Variants in ATP10B observed in about 807,000 individuals in gnomAD.
ATP10B encodes the protein ATPase phospholipid transporting 10B (putative), also known as phospholipid-transporting ATPase VB.
Under a neutral mutation model 141.2 loss-of-function variants are expected in ATP10B, and 122 were observed. The observed-to-expected ratio is 0.86, with a 90% CI of 0.75 to 1.00. The LOEUF is 1.00. ATP10B is among the 50% of genes least tolerant of loss of function. The probability of loss-of-function intolerance (pLI) is 0.00; values close to 1 mark genes in which losing one functional copy is unlikely to be tolerated. For synonymous variants in ATP10B, 685 were observed against 692.0 expected (o/e 0.99, Z 0.16); for missense variants, 1,876 against 1,825.3 (o/e 1.03, Z -0.51).
chr5:160,758,734 C>T (rs1768817077), intron 2 of ATP10B, among the ~76,000 whole-genome samples: 1 of 152,160 alleles, frequency 6.6e-6, no homozygotes, highest in East Asian at 1.9e-4. Flanking sequence ...GGTTATTCCT[C>T]CTGTCCTGCA....
intron 22 of ATP10B, among the ~76,000 whole-genome samples, chr5:160,594,886 C>G (rs1190488673): frequency 6.6e-6 from 1 of 152,210 alleles, no homozygotes; most frequent in African/African-American, 2.4e-5. Context: ...CACCCAGATT[C>G]ATAAAGCAAG....
upstream of ATP10B, among the ~76,000 whole-genome samples, chr5:160,853,261 C>T (rs1370320250): frequency 2.0e-5 from 3 of 152,088 alleles, no homozygotes; most frequent in Non-Finnish European, 2.9e-5. Context: ...TGCTTAAGTC[C>T]CTGTTCCTTT....
chr5:160,690,572 C>T (rs902309347), intron 3 of ATP10B, among the ~76,000 whole-genome samples: 9 of 152,006 alleles, frequency 5.9e-5, no homozygotes, highest in South Asian at 2.1e-4. Context: ...TCTCAAAAGA[C>T]GACATTTATG....
chr5:160,722,266 A>T (rs1362903206), intron 2 of ATP10B, among the ~76,000 whole-genome samples: 1 of 152,228 alleles, frequency 6.6e-6, no homozygotes, highest in Non-Finnish European at 1.5e-5. Flanking sequence ...CTGGAATATC[A>T]TCTATACAAA....
At chr5:160,701,270 C>T (rs887781432) in intron 3 of ATP10B, among the ~76,000 whole-genome samples, 1 of 152,306 alleles carries the variant, frequency 6.6e-6, no homozygotes, top group Non-Finnish European at 1.5e-5. Context: ...ATTTACAACT[C>T]CTTCCCCTCA....
At position 160,785,733 on chromosome 5, in the gene ATP10B, TACTC is replaced by T. The variant is rs1771096885; in HGVS notation, c.-509_-506del. 6 of 1,257,844 alleles carry T rather than the reference TACTC, an allele frequency of 4.8e-6. No individual in the cohort carries two copies. Among genetic ancestry groups the T allele is most frequent in the Non-Finnish European group, 6.2e-6 (6 of 968,690 alleles). The allele number at this position is 1,257,844 out of a possible 1,614,324, so 77.9% of individuals were successfully genotyped here. On this transcript the variant is annotated 5_prime_UTR_variant, in exon 2 of 26. Transcript: ENST00000327245. ...GAGATGAATAATAGGAAAAACTACT[TACTC>T]TTCACACTGTTGCTTTCATTGAAAC...
chr5:160,691,432 C>A (rs766681324), intron 3 of ATP10B, among the ~76,000 whole-genome samples: 19 of 151,960 alleles, frequency 1.3e-4, no homozygotes, highest in Non-Finnish European at 2.6e-4. Flanking sequence ...TACAAGCAAA[C>A]TCTCAAGGTT....
chr5:160,672,848 G>T (rs1762798963), intron 6 of ATP10B, among the ~76,000 whole-genome samples: 1 of 152,194 alleles, frequency 6.6e-6, no homozygotes, highest in Non-Finnish European at 1.5e-5. Flanking sequence ...AGAGGGTTTT[G>T]GTGTCTTCCT....
intron 2 of ATP10B, among the ~76,000 whole-genome samples, chr5:160,749,367 G>A (rs542836662): frequency 2.5e-4 from 38 of 152,268 alleles, no homozygotes; most frequent in African/African-American, 7.9e-4. Flanking sequence ...AGCTAGACAC[G>A]CATGGCAGGG....
At position 160,828,006 on chromosome 5, in the gene ATP10B, T is replaced by C. The variant is rs376720056; in HGVS notation, c.-576+23935A>G. 5.9e-5 allele frequency among the ~76,000 whole-genome samples: 9 copies of C among 152,264 alleles called. No individual in the cohort carries two copies. The East Asian group carries it at 7.7e-4, about 13-fold the overall frequency. On this transcript the variant is annotated intron_variant, in intron 1 of 25. Coordinates refer to ENST00000327245, the MANE Select transcript of ATP10B (RefSeq NM_025153.3). ...TGGTTACTGTAGCCCTGGCTAGCCA[T>C]ATGTAGAAAGCTGAAACTGGATCCC...
chr5:160,647,124 T>C (rs1760341757), intron 8 of ATP10B, among the ~76,000 whole-genome samples: 1 of 152,224 alleles, frequency 6.6e-6, no homozygotes, highest in Admixed American at 6.5e-5. Context: ...AAAAGTCGCA[T>C]TTTCAAATTG....
rs745430132 is a variant in ATP10B at position 160,640,460 on chromosome 5, C to A, written c.1000+1G>T. ...CTTGTTCTTTCCAGAACATCCCATA[C>A]CTACAGCTCCAATAAGGCACATGAG... On this transcript the variant is annotated splice_donor_variant, in intron 10 of 25. Transcript: ENST00000327245. LOFTEE classifies it high-confidence loss of function. The A allele has an allele frequency of 1.2e-6, 2 of 1,613,822 alleles. No homozygotes were observed. The highest frequency in any genetic ancestry group is 1.1e-5 in the South Asian group (1 of 91,028).
intron 1 of ATP10B, among the ~76,000 whole-genome samples, chr5:160,787,106 A>G (rs1771210108): frequency 2.2e-4 from 2 of 8,894 alleles, no homozygotes; most frequent in South Asian, 7.4e-3. Flanking sequence ...TTTGACACAG[A>G]CACACACACA....
chr5:160,755,732 G>A (rs1470788129), intron 2 of ATP10B, among the ~76,000 whole-genome samples: 2 of 145,574 alleles, frequency 1.4e-5, no homozygotes, highest in African/African-American at 2.5e-5. Flanking sequence ...GGAGAATGGC[G>A]TGAACTCGGG....
At chr5:160,775,874 G>C (rs931875789) in intron 2 of ATP10B, among the ~76,000 whole-genome samples, 16 of 151,814 alleles carry the variant, frequency 1.1e-4, no homozygotes, top group African/African-American at 3.9e-4. Context: ...TAGAGACGGG[G>C]GTTTCACCGT....
the ATP10B span, among the ~76,000 whole-genome samples, chr5:160,876,983 T>C: frequency 4.7e-5 from 7 of 149,128 alleles, no homozygotes; most frequent in African/African-American, 1.5e-4. Flanking sequence ...CCATTCCTTC[T>C]GAAACTATTC....
intron 2 of ATP10B, among the ~76,000 whole-genome samples, chr5:160,728,025 G>A (rs771610713): frequency 6.6e-6 from 1 of 152,136 alleles, no homozygotes; most frequent in Admixed American, 6.5e-5. Flanking sequence ...TATCTTCCCA[G>A]GTGTAGAAGA....
chr5:160,678,702 G>A (rs1467590189), intron 6 of ATP10B, among the ~76,000 whole-genome samples: 1 of 152,150 alleles, frequency 6.6e-6, no homozygotes, highest in Non-Finnish European at 1.5e-5. Flanking sequence ...TGCAGGCACT[G>A]AGCTAAACAA....
At chr5:160,927,536 C>T in the ATP10B span, among the ~76,000 whole-genome samples, 37 of 152,210 alleles carry the variant, frequency 2.4e-4, no homozygotes, top group Non-Finnish European at 4.6e-4. Flanking sequence ...GTGTTCTTTA[C>T]TTCTGTTCTT....
Sources: gnomAD v4.1 joint callset for allele counts (sites outside exome capture counted in the v4.1 genomes callset) on GRCh38, gnomAD v4.1.1 for gene constraint, MANE v1.5 for transcripts, NCBI Gene and HGNC (gene_info 2026-07-23, HGNC 2026-07-21) for gene names.